The following RGS17 variants were observed in gnomAD, a reference collection of about 807,000 sequenced individuals.
The protein encoded by RGS17 is regulator of G-protein signaling 17.
A neutral mutation model predicts 25.5 loss-of-function variants in RGS17; 12 were observed. The ratio of observed to expected loss-of-function variants is 0.47; its 90% CI spans 0.30 to 0.76. The LOEUF (loss-of-function observed/expected upper bound fraction) is 0.76, where lower values mean the gene tolerates loss of function less well. RGS17 is among the 30% of genes least tolerant of loss of function. The pLI is 0.07. For missense variants in RGS17, 196 were observed against 242.2 expected (o/e 0.81, Z 1.27); for synonymous variants, 71 against 76.9 (o/e 0.92, Z 0.40).
intron 1 of RGS17, among the ~76,000 whole-genome samples, chr6:153,119,048 T>C (rs1022077861): frequency 6.6e-6 from 1 of 152,206 alleles, no homozygotes; most frequent in African/African-American, 2.4e-5. Flanking sequence ...TTAGTTTCCT[T>C]CTTTTTCCAC....
intron 2 of RGS17, among the ~76,000 whole-genome samples, chr6:153,028,212 A>T (rs1779324180): frequency 6.6e-6 from 1 of 152,180 alleles, no homozygotes; most frequent in Non-Finnish European, 1.5e-5. Flanking sequence ...TTCTAGGGAC[A>T]GGGGCAGGTT....
intron 1 of RGS17, among the ~76,000 whole-genome samples, chr6:153,058,156 C>T (rs983172024): frequency 1.3e-5 from 2 of 152,176 alleles, no homozygotes; most frequent in Non-Finnish European, 2.9e-5. Flanking sequence ...TTTGCAATTA[C>T]AGTAAGTGCG....
chr6:153,097,176 G>A (rs1007310429), intron 1 of RGS17, among the ~76,000 whole-genome samples: 1 of 151,788 alleles, frequency 6.6e-6, no homozygotes, highest in African/African-American at 2.4e-5. Context: ...CAAAAGCAAG[G>A]AAAAATGACC....
intron 1 of RGS17, among the ~76,000 whole-genome samples, chr6:153,117,301 C>T (rs1401816304): frequency 6.6e-6 from 1 of 152,042 alleles, no homozygotes; most frequent in Non-Finnish European, 1.5e-5. Context: ...CTTGTGAGAA[C>T]TCATTCACTA....
Position 153,060,367 on chromosome 6 carries a change from T to G in RGS17, c.-25-16324A>C, listed in dbSNP as rs570913961. 2.6e-5 allele frequency among the ~76,000 whole-genome samples: 4 copies of G among 152,300 alleles called. No homozygotes were observed. The South Asian group carries it at 6.2e-4, about 24-fold the overall frequency. ...ACATCCTAAACAGTCTCACCCTTTTTGGTCTCACCAGCACCTGGCAGAGGC... is the reference window on the plus strand; with the variant it reads ...ACATCCTAAACAGTCTCACCCTTTTGGGTCTCACCAGCACCTGGCAGAGGC... On this transcript the variant is annotated intron_variant, in intron 1 of 4. Coordinates refer to ENST00000206262, the MANE Select transcript of RGS17 (RefSeq NM_012419.5).
At chr6:153,076,427 T>G (rs1776880571) in intron 1 of RGS17, among the ~76,000 whole-genome samples, 1 of 152,174 alleles carries the variant, frequency 6.6e-6, no homozygotes, top group African/African-American at 2.4e-5. Context: ...TTAAAATGTA[T>G]TTCCTTGCTC....
intron 1 of RGS17, among the ~76,000 whole-genome samples, chr6:153,090,245 C>T (rs589019): frequency 0.54 from 81,962 of 151,668 alleles, 22,421 homozygotes; most frequent in South Asian, 0.63. Flanking sequence ...ATATAATACC[C>T]GACTCTCTTA....
chr6:153,024,598 C>T, intron 3 of RGS17, 102 bp from the exon 4 acceptor site: 2 of 840,392 alleles, frequency 2.4e-6, no homozygotes, highest in East Asian at 2.5e-5. Context: ...CAATTTGCTG[C>T]CATCTAGTGG....
intron 1 of RGS17, among the ~76,000 whole-genome samples, chr6:153,100,176 C>T (rs999045762): frequency 3.3e-5 from 5 of 152,162 alleles, no homozygotes; most frequent in African/African-American, 1.2e-4. Context: ...TTATATGAGG[C>T]TAATATCAGG....
At chr6:153,085,908 C>T (rs1296438800) in intron 1 of RGS17, among the ~76,000 whole-genome samples, 7 of 150,436 alleles carry the variant, frequency 4.7e-5, no homozygotes, top group Non-Finnish European at 1.0e-4. Context: ...AGAAAAACAA[C>T]TGTAGAGGGG....
At chr6:153,048,200 C>T (rs1776408986) in intron 1 of RGS17, among the ~76,000 whole-genome samples, 1 of 152,164 alleles carries the variant, frequency 6.6e-6, no homozygotes. Flanking sequence ...TTCCCAAAAA[C>T]ATGTTCTTCC....
At chr6:153,052,054 T>C (rs1776468394) in intron 1 of RGS17, among the ~76,000 whole-genome samples, 1 of 152,182 alleles carries the variant, frequency 6.6e-6, no homozygotes, top group African/African-American at 2.4e-5. Context: ...TCAGAGATCA[T>C]CAGGGCTTCA....
chr6:153,086,856 T>C (rs1777059996), intron 1 of RGS17, among the ~76,000 whole-genome samples: 2 of 152,244 alleles, frequency 1.3e-5, no homozygotes, highest in African/African-American at 4.8e-5. Context: ...CTAGCAGTAA[T>C]ATTTCTTGAC....
chr6:153,026,315 T>A, intron 3 of RGS17, 139 bp downstream of exon 3: 1 of 479,724 alleles, frequency 2.1e-6, no homozygotes. Context: ...CAAAATAAGA[T>A]CTTCCAGATT....
chr6:153,066,625 T>C (rs746483845), intron 1 of RGS17, among the ~76,000 whole-genome samples: 9 of 152,066 alleles, frequency 5.9e-5, no homozygotes, highest in Non-Finnish European at 1.3e-4. Flanking sequence ...AATTCAACAA[T>C]ACATTAAAAA....
intron 1 of RGS17, among the ~76,000 whole-genome samples, chr6:153,044,452 T>C (rs998761350): frequency 4.6e-5 from 7 of 152,170 alleles, no homozygotes; most frequent in East Asian, 1.9e-4. Flanking sequence ...GTAAGGTAAA[T>C]TGAGCTTTAT....
At chr6:153,119,727 G>T (rs1167314439) in intron 1 of RGS17, among the ~76,000 whole-genome samples, 7 of 152,146 alleles carry the variant, frequency 4.6e-5, no homozygotes, top group Non-Finnish European at 8.8e-5. Context: ...CAATAGGATG[G>T]CAACATCTTT....
intron 1 of RGS17, among the ~76,000 whole-genome samples, chr6:153,109,937 A>G (rs893734916): frequency 2.6e-5 from 4 of 152,282 alleles, no homozygotes; most frequent in Admixed American, 2.6e-4. Flanking sequence ...ATCTAACCTA[A>G]AAAACATACA....
chr6:153,040,995 T>TA (rs71017569), intron 2 of RGS17, among the ~76,000 whole-genome samples: 61,863 of 121,920 alleles, frequency 0.51, 15,524 homozygotes, highest in East Asian at 0.75. Context: ...CTGACTCCAC[T>TA]AAAAAAAAAA....
Sources: allele counts gnomAD v4.1 joint callset (sites outside exome capture counted in the v4.1 genomes callset), GRCh38; gene constraint gnomAD v4.1.1; transcripts MANE v1.5; gene names NCBI Gene and HGNC (gene_info 2026-07-23, HGNC 2026-07-21).